CUX1: variants seen among roughly 807,000 people sequenced by gnomAD.
CUX1 encodes the protein cut like homeobox 1.
In CUX1, 31 loss-of-function variants were observed where a neutral mutation model predicts 158.8. The ratio of observed to expected loss-of-function variants is 0.20; its 90% CI spans 0.15 to 0.26. CUX1 has a LOEUF of 0.26. CUX1 is among the 10% of genes least tolerant of loss of function. The pLI, the probability that CUX1 is intolerant of heterozygous loss-of-function variation, is 1.00. For synonymous variants in CUX1, 879 were observed against 862.1 expected (o/e 1.02, Z -0.34); for missense variants, 1,589 against 2,014.6 (o/e 0.79, Z 4.04).
At chr7:102,282,844 G>A (rs1180424111) in intron 22 of CUX1, 20 of 1,129,448 alleles carry the variant, frequency 1.8e-5, no homozygotes, top group African/African-American at 1.3e-4. Flanking sequence ...CAACACCCCC[G>A]AGTTCCTGCC....
In CUX1 at chr7:102,158,035, C is replaced by T. The variant is rs187594798; in HGVS notation, c.675-525C>T. Reference sequence around the variant, plus strand: ...GCCCTCCTCACCTCCAGTTGGCCACCTTCTCCTGGTTTCCTCATTCCTGGT... The same window carrying T: ...GCCCTCCTCACCTCCAGTTGGCCACTTTCTCCTGGTTTCCTCATTCCTGGT... On this transcript the variant is annotated intron_variant, in intron 8 of 23. Coordinates refer to ENST00000292535, the MANE Select transcript of CUX1 (RefSeq NM_181552.4). Among the ~76,000 whole-genome samples the T allele has an allele frequency of 2.9e-3, 440 of 152,246 alleles. 1 individual carries two copies. Among genetic ancestry groups the T allele is most frequent in the South Asian group, 5.2e-3 (25 of 4,818 alleles).
At chr7:101,829,844 G>C (rs1374611275) in intron 1 of CUX1, among the ~76,000 whole-genome samples, 1 of 152,224 alleles carries the variant, frequency 6.6e-6, no homozygotes, top group East Asian at 1.9e-4. Context: ...GATAGTTGGG[G>C]TACGGTTGTG....
At chr7:101,944,571 G>A (rs1224400592) in intron 2 of CUX1, among the ~76,000 whole-genome samples, 1 of 152,210 alleles carries the variant, frequency 6.6e-6, no homozygotes, top group Non-Finnish European at 1.5e-5. Flanking sequence ...GTGGGGATCT[G>A]CCTAAGGTCA....
At chr7:101,993,054 G>T (rs1815356254) in intron 2 of CUX1, among the ~76,000 whole-genome samples, 1 of 152,160 alleles carries the variant, frequency 6.6e-6, no homozygotes, top group Non-Finnish European at 1.5e-5. Context: ...CTTGGGCCAG[G>T]CGTTGTGGTT....
intron 5 of CUX1, among the ~76,000 whole-genome samples, chr7:102,099,747 T>C (rs1554485739): frequency 6.6e-6 from 1 of 151,992 alleles, no homozygotes; most frequent in Admixed American, 6.6e-5. Flanking sequence ...GCTTATTTTA[T>C]TTTTTTGAGT....
At chr7:101,870,153 GTT>G (rs1223133668) in intron 1 of CUX1, among the ~76,000 whole-genome samples, 2 of 104,046 alleles carry the variant, frequency 1.9e-5, no homozygotes, top group African/African-American at 3.9e-5. Context: ...TGTTTTTTTT[GTT>G]TTTTTTTTTT....
In CUX1 at chr7:102,216,515, C is replaced by CAT. The variant is rs1554524563; in HGVS notation, c.3131-10851_3131-10850insTA. ...AAAAGAGGGCGTGCGTGTGTGCGCG[C>CAT]ACACACACACTCTCCCCCCCACACA... On this transcript the variant is annotated intron_variant, in intron 20 of 23. Transcript: ENST00000292535. Among the ~76,000 whole-genome samples, 27 of 59,500 alleles carry CAT rather than the reference C, an allele frequency of 4.5e-4. No individual in the cohort carries two copies. The East Asian group carries it at 0.026, about 57-fold the overall frequency. The allele number at this position is 59,500 out of a possible 152,430, so 39.0% of individuals were successfully genotyped here. A position where few individuals can be genotyped will look rare whatever the true frequency, so the allele number is the denominator to read the frequency against.
At chr7:101,838,119 A>G (rs1465027776) in intron 1 of CUX1, among the ~76,000 whole-genome samples, 3 of 139,976 alleles carry the variant, frequency 2.1e-5, no homozygotes, top group Non-Finnish European at 4.6e-5. Flanking sequence ...CTTCCTTTTC[A>G]CTCGTCACAT....
At chr7:101,850,396 T>C (rs1471094562) in intron 1 of CUX1, among the ~76,000 whole-genome samples, 1 of 150,384 alleles carries the variant, frequency 6.6e-6, no homozygotes, top group African/African-American at 2.5e-5. Context: ...AGAGCAGCCC[T>C]GGTTTTCTTT....
intron 2 of CUX1, among the ~76,000 whole-genome samples, chr7:101,988,570 C>T (rs1164579298): frequency 1.3e-5 from 2 of 152,152 alleles, no homozygotes; most frequent in Non-Finnish European, 2.9e-5. Flanking sequence ...GCCTTTCCAC[C>T]TCTGCCTTCT....
chr7:102,092,995 A>G lies in CUX1; in HGVS notation c.269-4369A>G, dbSNP rs186411177. On this transcript the variant is annotated intron_variant, in intron 4 of 23. Transcript: ENST00000292535. Reference sequence around the variant, plus strand: ...TTTCTCCAGGAGCGCTCTTCCACTCATCTGGTCTCCTGCCTTGCGTTTGTC... The same window carrying G: ...TTTCTCCAGGAGCGCTCTTCCACTCGTCTGGTCTCCTGCCTTGCGTTTGTC... Among the ~76,000 whole-genome samples the G allele has an allele frequency of 4.6e-5, 7 of 151,068 alleles. No individual in the cohort carries two copies. In the East Asian group the frequency reaches 1.4e-3, roughly 29 times the overall value.
At position 102,254,670 on chromosome 7, in the gene CUX1, CA is replaced by C; in HGVS notation, c.*5629del. 1 of 985,460 alleles carries C rather than the reference CA, an allele frequency of 1.0e-6. No homozygotes were observed. Among genetic ancestry groups the C allele is most frequent in the Non-Finnish European group, 1.2e-6 (1 of 829,952 alleles). The allele number at this position is 985,460 out of a possible 1,614,324, so 61.0% of individuals were successfully genotyped here. On this transcript the variant is annotated 3_prime_UTR_variant, in exon 24 of 24. Coordinates refer to ENST00000292535, the MANE Select transcript of CUX1 (RefSeq NM_181552.4). Reference sequence around the variant, plus strand: ...CCAAAGCTCACATTTAGAAAGCCCTCAGTGCTTCTGTGGTTTCACCTGGGCA... The same window carrying C: ...CCAAAGCTCACATTTAGAAAGCCCTCGTGCTTCTGTGGTTTCACCTGGGCA...
At chr7:101,841,388 T>A in intron 1 of CUX1, among the ~76,000 whole-genome samples, 1 of 152,236 alleles carries the variant, frequency 6.6e-6, no homozygotes, top group Admixed American at 6.5e-5. Flanking sequence ...TATTTTTAGT[T>A]GTACATAGAG....
chr7:102,022,334 A>C (rs7799576), intron 2 of CUX1, among the ~76,000 whole-genome samples: 126,893 of 152,072 alleles, frequency 0.83, 53,196 homozygotes, highest in East Asian at 0.99. Context: ...TAATGGAAAT[A>C]CGGCCAGACA....
intron 9 of CUX1, among the ~76,000 whole-genome samples, chr7:102,160,542 G>A (rs782090944): frequency 4.6e-5 from 7 of 152,212 alleles, no homozygotes; most frequent in South Asian, 4.2e-4. Flanking sequence ...TGCTGGCTCC[G>A]CAATGACACG....
chr7:102,038,966 A>G (rs545215377), intron 3 of CUX1, among the ~76,000 whole-genome samples: 24 of 152,306 alleles, frequency 1.6e-4, no homozygotes, highest in Admixed American at 1.5e-3. Context: ...AAATAGATAA[A>G]TAAACTTATT....
At chr7:101,986,089 A>C (rs1037130568) in intron 2 of CUX1, among the ~76,000 whole-genome samples, 5 of 152,204 alleles carry the variant, frequency 3.3e-5, no homozygotes, top group African/African-American at 9.7e-5. Context: ...AAGCTGGTGA[A>C]ATTTAACACC....
chr7:102,283,191 C>T (rs1402532435), exon 23 of CUX1: 1 of 977,256 alleles, frequency 1.0e-6, no homozygotes, highest in Non-Finnish European at 1.6e-6. Context: ...CCCATGGAAA[C>T]TGCCCTTATC....
chr7:101,848,889 A>T (rs1795976084), intron 1 of CUX1, among the ~76,000 whole-genome samples: 1 of 140,648 alleles, frequency 7.1e-6, no homozygotes. Flanking sequence ...AAGTGTGTAG[A>T]CTAACTGAAC....
Sources: allele counts gnomAD v4.1 joint callset (sites outside exome capture counted in the v4.1 genomes callset), GRCh38; gene constraint gnomAD v4.1.1; transcripts MANE v1.5; gene names NCBI Gene and HGNC (gene_info 2026-07-23, HGNC 2026-07-21).